Variants in GFM1 observed in about 807,000 individuals in gnomAD.
GFM1 encodes G elongation factor mitochondrial 1, also known as elongation factor G, mitochondrial.
In GFM1, 62 loss-of-function variants were observed where a neutral mutation model predicts 96.2. The observed-to-expected ratio is 0.64, with a 90% confidence interval of 0.53 to 0.80. The LOEUF is 0.80. Among genes scored for constraint, GFM1 ranks in the 30% least tolerant of loss-of-function variants. The pLI is 0.00. For synonymous variants in GFM1, 282 were observed against 312.9 expected (o/e 0.90, Z 1.04); for missense variants, 852 against 916.6 (o/e 0.93, Z 0.91).
chr3:158,653,228 T>G, intron 6 of GFM1, 82 bp from the exon 7 acceptor site: 1 of 1,134,518 alleles, frequency 8.8e-7, no homozygotes, highest in Non-Finnish European at 1.3e-6. Context: ...TATCAGTTCA[T>G]TTTATTCATT....
intron 13 of GFM1, among the ~76,000 whole-genome samples, chr3:158,673,147 A>C (rs1217539063): frequency 1.3e-5 from 2 of 152,298 alleles, no homozygotes; most frequent in Non-Finnish European, 2.9e-5. Flanking sequence ...TCTGCAAACT[A>C]TAGTATTAAA....
intron 9 of GFM1, 46 bp from the exon 10 acceptor site, chr3:158,660,828 A>G (rs750401404): frequency 6.6e-7 from 1 of 1,510,066 alleles, no homozygotes; most frequent in Middle Eastern, 1.8e-4. Context: ...CCACATCTTT[A>G]TTTGTATTAC....
chr3:158,658,626 C>CA (rs781225898), intron 8 of GFM1, among the ~76,000 whole-genome samples: 24 of 152,016 alleles, frequency 1.6e-4, no homozygotes, highest in Non-Finnish European at 3.4e-4. Flanking sequence ...TGTTAGAAGG[C>CA]AAAAGATACT....
intron 13 of GFM1, chr3:158,668,851 G>A (rs1723979382): frequency 3.1e-6 from 2 of 651,508 alleles, no homozygotes; most frequent in Non-Finnish European, 5.0e-6. Context: ...CTCTAATCTT[G>A]ATTGTACCTG....
chr3:158,658,408 G>T (rs902259929), intron 8 of GFM1, among the ~76,000 whole-genome samples: 2 of 151,910 alleles, frequency 1.3e-5, no homozygotes, highest in South Asian at 4.1e-4. Flanking sequence ...CAGGTGATCC[G>T]CTCGCCTCTG....
rs1158055966 is a variant in GFM1, at chr3:158,693,585, G to C, written c.*2118G>C. 1.3e-5 allele frequency: 2 copies of C among 152,170 alleles called. No individual in the cohort carries two copies. Among genetic ancestry groups the C allele is most frequent in the Non-Finnish European group, 2.9e-5 (2 of 68,048 alleles). The allele number at this position is 152,170 out of a possible 1,614,324, so 9.4% of individuals were successfully genotyped here. On this transcript the variant is annotated 3_prime_UTR_variant, in exon 18 of 18. Coordinates refer to ENST00000486715, the MANE Select transcript of GFM1 (RefSeq NM_024996.7). The stretch of plus-strand genomic sequence containing the variant: ...TAAGTCATTAGTTATAGTTGGCAAA[G>C]ATCACATACCAACCAAAGTCTGTAG...
In GFM1 at chr3:158,691,605, A is replaced by G; in HGVS notation, c.*138A>G. On this transcript the variant is annotated 3_prime_UTR_variant, in exon 18 of 18. Transcript: ENST00000486715. ...AAGCGGGCTCTTCTTTCTTCAAAAGAAGCCCTTCTTGTTCATATTCAGGAG... is the reference window on the plus strand; with the variant it reads ...AAGCGGGCTCTTCTTTCTTCAAAAGGAGCCCTTCTTGTTCATATTCAGGAG... The G allele has an allele frequency of 1.1e-6, 1 of 879,164 alleles. No homozygotes were observed. The highest frequency in any genetic ancestry group is 1.8e-6 in the Non-Finnish European group (1 of 546,320). 54.5% of individuals were successfully genotyped at this position (879,164 alleles called of 1,614,324 possible).
intron 8 of GFM1, among the ~76,000 whole-genome samples, chr3:158,655,524 A>G (rs1012821345): frequency 6.6e-6 from 1 of 152,040 alleles, no homozygotes; most frequent in African/African-American, 2.4e-5. Flanking sequence ...TTACAATTTG[A>G]TAAATAAACT....
intron 1 of GFM1, 56 bp downstream of exon 1, chr3:158,644,771 T>C: frequency 1.4e-6 from 2 of 1,446,554 alleles, no homozygotes; most frequent in Non-Finnish European, 1.9e-6. Context: ...TGTGATCCCT[T>C]CTGGGCAATG....
chr3:158,688,172 G>A (rs1309355620), intron 15 of GFM1, among the ~76,000 whole-genome samples: 1 of 152,168 alleles, frequency 6.6e-6, no homozygotes. Flanking sequence ...ATGTTTTCAT[G>A]ATACTGATCA....
rs138595871 is a variant in GFM1 at position 158,688,771 on chromosome 3, T to A, written c.1910-1392T>A. Among the ~76,000 whole-genome samples, 8 of 152,312 alleles carry A rather than the reference T, an allele frequency of 5.3e-5. No individual in the cohort carries two copies. In the East Asian group the frequency reaches 1.4e-3, roughly 26 times the overall value. ...TAGGAGTCTGCAGTATCTCTTTGAG[T>A]TCAGTTATTTCTCTTTCAGAACAAA... On this transcript the variant is annotated intron_variant, in intron 15 of 17. Coordinates refer to ENST00000486715, the MANE Select transcript of GFM1 (RefSeq NM_024996.7).
intron 7 of GFM1, among the ~76,000 whole-genome samples, chr3:158,654,236 A>G (rs1469034211): frequency 1.2e-5 from 1 of 84,572 alleles, no homozygotes; most frequent in African/African-American, 6.2e-5. Context: ...TTTTGTTGAG[A>G]CAAAGTCTTG....
rs759440642 is a variant in GFM1 at position 158,653,312 on chromosome 3, A to G, written c.843A>G (p.Leu281=). ...CATTAAATTGTTTTCTTTTGTAGCT[A>G]GCAATTCGAAGAGCTACTCTGAAAA... The part of the protein sequence containing the change: ...EKIPSISDLK[L]AIRRATLKRS... Residue 281 remains leucine (L), a splice_region_variant and synonymous_variant, in exon 7 of 18, where the codon CTA becomes CTG. Transcript: ENST00000486715. 53 of 1,612,166 alleles carry G rather than the reference A, an allele frequency of 3.3e-5. 1 individual carries two copies. The highest frequency in any genetic ancestry group is 5.5e-5 in the South Asian group (5 of 90,880).
At chr3:158,670,956 C>T in intron 13 of GFM1, 1 of 1,524,764 alleles carries the variant, frequency 6.6e-7, no homozygotes, top group African/African-American at 1.5e-5. Context: ...ATTTAACTTA[C>T]TTTTTGTATA....
chr3:158,690,779 T>A (rs1283320517), intron 16 of GFM1, among the ~76,000 whole-genome samples: 1 of 152,198 alleles, frequency 6.6e-6, no homozygotes, highest in East Asian at 1.9e-4. Context: ...ACTCTCAGCA[T>A]ATCATTAAGG....
intron 13 of GFM1, among the ~76,000 whole-genome samples, chr3:158,672,006 A>T (rs917379121): frequency 6.6e-6 from 1 of 152,180 alleles, no homozygotes; most frequent in Non-Finnish European, 1.5e-5. Context: ...GCAGATGAGA[A>T]ACGTGGCAGC....
chr3:158,687,546 C>T (rs2108110557), intron 15 of GFM1, among the ~76,000 whole-genome samples: 1 of 152,236 alleles, frequency 6.6e-6, no homozygotes, highest in Admixed American at 6.5e-5. Context: ...CAGCTCACTG[C>T]AACCTCCGCC....
chr3:158,649,896 C>T (rs780398525), intron 5 of GFM1: 51 of 868,264 alleles, frequency 5.9e-5, no homozygotes, highest in Admixed American at 2.1e-5. Flanking sequence ...GCTGCTCTTA[C>T]AGGTCTGCAG....
At chr3:158,668,932 T>C (rs1723984643) in intron 13 of GFM1, 1 of 1,400,326 alleles carries the variant, frequency 7.1e-7, no homozygotes, top group Non-Finnish European at 9.8e-7. Flanking sequence ...AATCCAATTA[T>C]GAATTACAAT....
Sources: allele counts gnomAD v4.1 joint callset (sites outside exome capture counted in the v4.1 genomes callset), GRCh38; gene constraint gnomAD v4.1.1; transcripts MANE v1.5; gene names NCBI Gene and HGNC (gene_info 2026-07-23, HGNC 2026-07-21).